Variants in KLHL1 observed in about 807,000 individuals in gnomAD.
KLHL1 encodes kelch like family member 1, also known as kelch-like protein 1.
A neutral mutation model predicts 77.7 loss-of-function variants in KLHL1; 47 were observed. The observed-to-expected ratio is 0.60, with a 90% CI of 0.48 to 0.77. The LOEUF (loss-of-function observed/expected upper bound fraction) is 0.77, where lower values mean the gene tolerates loss of function less well. Ranked by LOEUF, KLHL1 falls within the 30% of genes least tolerant of loss-of-function variation. KLHL1 has a pLI of 0.00. For missense variants in KLHL1, 925 were observed against 910.8 expected (o/e 1.02, Z -0.20); for synonymous variants, 360 against 325.2 (o/e 1.11, Z -1.15).
intron 6 of KLHL1, among the ~76,000 whole-genome samples, chr13:69,825,976 ATACT>A (rs1878527392): frequency 1.8e-5 from 2 of 109,652 alleles, no homozygotes; most frequent in South Asian, 3.8e-4. Flanking sequence ...TGGCCTAGAA[ATACT>A]TACTTACAGA....
intron 5 of KLHL1, among the ~76,000 whole-genome samples, chr13:69,861,007 G>C (rs972364703): frequency 6.6e-6 from 1 of 151,838 alleles, no homozygotes; most frequent in African/African-American, 2.4e-5. Context: ...TTGTCCATAC[G>C]GTGAGTTATG....
At chr13:70,014,335 A>G (rs745459774) in intron 1 of KLHL1, among the ~76,000 whole-genome samples, 6 of 152,102 alleles carry the variant, frequency 3.9e-5, no homozygotes, top group Non-Finnish European at 8.8e-5. Flanking sequence ...GAGAGTAAAC[A>G]CTGAAGCTAA....
intron 1 of KLHL1, among the ~76,000 whole-genome samples, chr13:70,093,280 A>G (rs1303216484): frequency 6.6e-6 from 1 of 152,126 alleles, no homozygotes; most frequent in Non-Finnish European, 1.5e-5. Context: ...AGTGGAGTGG[A>G]CTTTGTCTTT....
intron 4 of KLHL1, among the ~76,000 whole-genome samples, chr13:69,903,819 T>G (rs1035676014): frequency 8.6e-5 from 13 of 151,548 alleles, no homozygotes; most frequent in Non-Finnish European, 1.6e-4. Flanking sequence ...TTTTTGTATT[T>G]TTAGTAGAGA....
intron 5 of KLHL1, among the ~76,000 whole-genome samples, chr13:69,841,739 A>G (rs1209754308): frequency 1.3e-5 from 2 of 151,868 alleles, no homozygotes; most frequent in African/African-American, 4.8e-5. Flanking sequence ...AAACCAAAAA[A>G]GAGCCCAAAT....
At chr13:70,075,990 T>C (rs1389390540) in intron 1 of KLHL1, among the ~76,000 whole-genome samples, 3 of 151,250 alleles carry the variant, frequency 2.0e-5, no homozygotes, top group African/African-American at 7.3e-5. Context: ...ATATCAAAGC[T>C]CTAAATAAAG....
chr13:69,965,933 G>A (rs773980000), intron 2 of KLHL1, among the ~76,000 whole-genome samples: 1 of 152,134 alleles, frequency 6.6e-6, no homozygotes, highest in African/African-American at 2.4e-5. Context: ...AAAGTACAAA[G>A]TTGGCAGAAG....
chr13:69,794,878 A>C (rs940226638), intron 7 of KLHL1, among the ~76,000 whole-genome samples: 18 of 152,304 alleles, frequency 1.2e-4, no homozygotes, highest in African/African-American at 4.3e-4. Context: ...AGACAAAAAT[A>C]TAAAATAAAA....
At chr13:69,795,890 C>T (rs1231834888) in intron 7 of KLHL1, among the ~76,000 whole-genome samples, 1 of 152,202 alleles carries the variant, frequency 6.6e-6, no homozygotes, top group African/African-American at 2.4e-5. Flanking sequence ...CTCTTCCCCA[C>T]AGATTTTTCA....
intron 1 of KLHL1, among the ~76,000 whole-genome samples, chr13:69,985,208 A>G (rs1392803301): frequency 6.6e-6 from 1 of 152,106 alleles, no homozygotes; most frequent in East Asian, 1.9e-4. Context: ...GGGAGAAAAT[A>G]TTTGCAAACT....
At position 69,940,111 on chromosome 13, in the gene KLHL1, AAC is replaced by A. The variant is rs1883321342; in HGVS notation, c.941_942del (p.Cys314PhefsTer14). 1 of 1,613,116 alleles carries A rather than the reference AAC, an allele frequency of 6.2e-7. No individual in the cohort carries two copies. The highest frequency in any genetic ancestry group is 8.5e-7 in the Non-Finnish European group (1 of 1,179,556). On this transcript the variant is annotated frameshift_variant, in exon 4 of 11. Coordinates refer to ENST00000377844, the MANE Select transcript of KLHL1 (RefSeq NM_020866.3). LOFTEE classifies it high-confidence loss of function. The stretch of plus-strand genomic sequence containing the variant: ...GCATCTGCGAAGGCTCGAATTCCTA[AAC>A]AGTTAGATGGATGCAAAAGCTTCAT... ...FLMKLLHPSN[C>X]LGIRAFADAQ...
chr13:69,922,457 T>TA (rs35190121), intron 4 of KLHL1, among the ~76,000 whole-genome samples: 68,353 of 151,910 alleles, frequency 0.45, 16,029 homozygotes, highest in East Asian at 0.66. Context: ...TCCGAGTTTA[T>TA]AAAAAGACTG....
chr13:69,816,439 C>T (rs559027340), intron 6 of KLHL1, among the ~76,000 whole-genome samples: 1,698 of 145,918 alleles, frequency 0.012, 36 homozygotes, highest in African/African-American at 0.039. Flanking sequence ...TTTTTTTTTT[C>T]CTTTAGTAGA....
intron 1 of KLHL1, among the ~76,000 whole-genome samples, chr13:70,103,401 G>A (rs1234286170): frequency 3.3e-5 from 5 of 152,090 alleles, no homozygotes; most frequent in African/African-American, 1.2e-4. Context: ...TGTAATCAGC[G>A]AGTGTTGGAA....
chr13:69,879,211 T>A (rs113220394), intron 5 of KLHL1, among the ~76,000 whole-genome samples: 1,643 of 152,064 alleles, frequency 0.011, 42 homozygotes, highest in African/African-American at 0.038. Flanking sequence ...TAATAAAAAA[T>A]ATATATATAA....
At chr13:70,050,154 A>G (rs1257716546) in intron 1 of KLHL1, among the ~76,000 whole-genome samples, 1 of 151,956 alleles carries the variant, frequency 6.6e-6, no homozygotes, top group East Asian at 1.9e-4. Context: ...TATTCATATT[A>G]GTAATTTAAT....
intron 5 of KLHL1, among the ~76,000 whole-genome samples, chr13:69,880,928 T>A (rs17085577): frequency 6.6e-6 from 1 of 152,122 alleles, no homozygotes; most frequent in Admixed American, 6.6e-5. Flanking sequence ...TAACTATCAT[T>A]GGCTTTCTGG....
At chr13:69,815,876 T>C (rs1236711871) in intron 6 of KLHL1, among the ~76,000 whole-genome samples, 1 of 152,064 alleles carries the variant, frequency 6.6e-6, no homozygotes, top group Non-Finnish European at 1.5e-5. Context: ...ATATAAAATA[T>C]ATCTACATCA....
At chr13:69,750,521 T>A (rs997134238) in intron 7 of KLHL1, among the ~76,000 whole-genome samples, 9 of 151,876 alleles carry the variant, frequency 5.9e-5, no homozygotes, top group Non-Finnish European at 1.0e-4. Context: ...TGTATATATA[T>A]GCATGTGTAT....
Sources: gnomAD v4.1 joint callset for allele counts (sites outside exome capture counted in the v4.1 genomes callset) on GRCh38, gnomAD v4.1.1 for gene constraint, MANE v1.5 for transcripts, NCBI Gene and HGNC (gene_info 2026-07-23, HGNC 2026-07-21) for gene names.